Variants in ZNF644 observed in about 807,000 individuals in gnomAD.
The protein encoded by ZNF644 is zinc finger motif enhancer binding protein 2.
ZNF644 carries 20 observed loss-of-function variants against 108.0 expected under a neutral mutation model. That is an observed-to-expected ratio of 0.19 (90% CI 0.13 to 0.27). The LOEUF (loss-of-function observed/expected upper bound fraction) is 0.27, where lower values mean the gene tolerates loss of function less well. Ranked by LOEUF, ZNF644 falls within the 10% of genes least tolerant of loss-of-function variation. The pLI, the probability that ZNF644 is intolerant of heterozygous loss-of-function variation, is 1.00. For missense variants in ZNF644, 1,338 were observed against 1,548.9 expected, an observed-to-expected ratio of 0.86 and a Z score of 2.29; for synonymous variants, 542 against 539.1, an observed-to-expected ratio of 1.01 and a Z score of -0.08.
intron 2 of ZNF644, among the ~76,000 whole-genome samples, chr1:90,960,732 G>C (rs948358098): frequency 1.3e-5 from 2 of 152,044 alleles, no homozygotes; most frequent in African/African-American, 4.8e-5. Context: ...ACACCCTAAA[G>C]CTCCCTTTAG....
chr1:91,001,711 A>T (rs1218388206), intron 1 of ZNF644, among the ~76,000 whole-genome samples: 1 of 152,194 alleles, frequency 6.6e-6, no homozygotes, highest in Non-Finnish European at 1.5e-5. Context: ...GAAAGAAATA[A>T]GGGGTATTCA....
intron 1 of ZNF644, among the ~76,000 whole-genome samples, chr1:90,991,469 T>C (rs537411396): frequency 1.3e-5 from 2 of 152,266 alleles, no homozygotes; most frequent in African/African-American, 2.4e-5. Context: ...GTCCATACAA[T>C]GATGTATTAG....
intron 2 of ZNF644, among the ~76,000 whole-genome samples, chr1:90,952,107 T>C (rs887196688): frequency 1.3e-5 from 2 of 152,124 alleles, no homozygotes; most frequent in Admixed American, 6.5e-5. Flanking sequence ...AATTCAGAAA[T>C]GAAAAGGTCA....
intron 2 of ZNF644, among the ~76,000 whole-genome samples, chr1:90,955,127 T>C (rs1653622716): frequency 6.6e-6 from 1 of 152,188 alleles, no homozygotes; most frequent in Non-Finnish European, 1.5e-5. Context: ...TCAATGAGCA[T>C]ATTTCGAAAA....
intron 1 of ZNF644, among the ~76,000 whole-genome samples, chr1:90,995,016 CA>C (rs1658015821): frequency 6.6e-6 from 1 of 152,024 alleles, no homozygotes; most frequent in African/African-American, 2.4e-5. Flanking sequence ...TTCATTAAAA[CA>C]TACCATAATG....
In ZNF644 at chr1:90,946,721, G is replaced by T. The variant is rs149140727; in HGVS notation, c.45-5412C>A. 2.4e-3 allele frequency among the ~76,000 whole-genome samples: 360 copies of T among 151,970 alleles called. 2 individuals are homozygous for T. Among genetic ancestry groups the T allele is most frequent in the African/African-American group, 8.3e-3 (343 of 41,480 alleles). On this transcript the variant is annotated intron_variant, in intron 2 of 5. Coordinates refer to ENST00000337393, the MANE Select transcript of ZNF644 (RefSeq NM_201269.3). ...ATGAAAACTCAATGTTACAGCCAGA[G>T]ATTTTTTTTTCCTTGGCAATACCAA... is the stretch of plus-strand genomic sequence containing the variant.
chr1:90,939,502 C>A lies in ZNF644; in HGVS notation c.1852G>T (p.Gly618Cys). Residue 618 changes from glycine to cysteine, a missense_variant, in exon 3 of 6, where the codon GGT (glycine) becomes TGT (cysteine). Physicochemically the swap from Gly to Cys is radical, Grantham distance 159. This residue lies in a region of ZNF644 where 462 missense variants were observed against 472.6 expected (regional missense o/e 0.98). Transcript: ENST00000337393. ...LHSSSCVDSF[G>C]SPLGLDKRKN... is the part of the protein sequence containing the mutation. ...CTTTTATCAAGTCCAAGAGGACTAC[C>A]AAATGAATCAACACATGATGATGAA... 1 of 1,613,844 alleles carries A rather than the reference C, an allele frequency of 6.2e-7. No individual in the cohort carries two copies. The highest frequency in any genetic ancestry group is 8.5e-7 in the Non-Finnish European group (1 of 1,179,926).
intron 1 of ZNF644, among the ~76,000 whole-genome samples, chr1:90,990,867 G>C (rs1288052762): frequency 1.3e-5 from 2 of 152,092 alleles, no homozygotes; most frequent in Non-Finnish European, 1.5e-5. Context: ...AAGTAATCCT[G>C]AACTATATGC....
At chr1:91,003,926 A>C (rs1298921505) in intron 1 of ZNF644, among the ~76,000 whole-genome samples, 1 of 152,166 alleles carries the variant, frequency 6.6e-6, no homozygotes, top group East Asian at 1.9e-4. Flanking sequence ...AACAAATTGT[A>C]GAATTGAAAA....
intron 1 of ZNF644, among the ~76,000 whole-genome samples, chr1:91,018,842 T>C (rs1309800821): frequency 2.0e-5 from 3 of 152,198 alleles, no homozygotes; most frequent in African/African-American, 7.2e-5. Context: ...ATTAACAGTC[T>C]CAATTCAACC....
intron 1 of ZNF644, among the ~76,000 whole-genome samples, chr1:90,999,223 C>T (rs1658499094): frequency 6.6e-6 from 1 of 152,128 alleles, no homozygotes; most frequent in African/African-American, 2.4e-5. Flanking sequence ...AGAAGAGCAA[C>T]TCCAAGACAC....
At chr1:90,972,865 A>G (rs1450196129) in intron 2 of ZNF644, 1 of 152,268 alleles carries the variant, frequency 6.6e-6, no homozygotes, top group Non-Finnish European at 1.5e-5. Flanking sequence ...AGTCACAAAA[A>G]GACAAACACT....
At chr1:90,920,789 C>T (rs1159701766) in intron 4 of ZNF644, among the ~76,000 whole-genome samples, 1 of 151,912 alleles carries the variant, frequency 6.6e-6, no homozygotes, top group Non-Finnish European at 1.5e-5. Context: ...CACTGAGAAT[C>T]CCTAGAAACT....
intron 2 of ZNF644, among the ~76,000 whole-genome samples, chr1:90,944,503 T>C (rs1652325637): frequency 6.6e-6 from 1 of 152,184 alleles, no homozygotes; most frequent in African/African-American, 2.4e-5. Flanking sequence ...TATGGCTTAC[T>C]TACCCCTAAA....
chr1:90,916,814 G>A lies in ZNF644; in HGVS notation c.3968C>T (p.Ala1323Val). The change falls in exon 6 of 6, where the codon GCC becomes GTC. Residue 1323 changes from alanine (A) to valine (V), a missense_variant. Around this residue, in one of 6 missense-constraint regions of ZNF644, gnomAD observed 34 missense variants for 78.6 expected, o/e 0.43. Transcript: ENST00000337393. ...TTCCTGGTTCTATGAAGCTGCTTCG[G>A]CCATTAGTAGAGAAAATGAAGTTTC... ...ITETSFSLLM[A>V]EAAS 2 of 1,614,122 alleles carry A rather than the reference G, an allele frequency of 1.2e-6. No homozygotes were observed. The highest frequency in any genetic ancestry group is 1.1e-5 in the South Asian group (1 of 91,082).
intron 1 of ZNF644, among the ~76,000 whole-genome samples, chr1:90,985,718 T>C (rs1022197581): frequency 6.6e-6 from 1 of 152,216 alleles, no homozygotes; most frequent in Non-Finnish European, 1.5e-5. Context: ...GACACCTAGG[T>C]TGCTTCCCTA....
At chr1:90,960,792 T>C (rs1022509204) in intron 2 of ZNF644, among the ~76,000 whole-genome samples, 3 of 152,138 alleles carry the variant, frequency 2.0e-5, no homozygotes, top group African/African-American at 7.2e-5. Context: ...CAACTACAGG[T>C]GTTCTTGCTA....
intron 2 of ZNF644, among the ~76,000 whole-genome samples, chr1:90,966,742 A>C: frequency 1.9e-5 from 2 of 107,212 alleles, no homozygotes; most frequent in African/African-American, 7.1e-5. Context: ...AGTGAGACTC[A>C]GTCTCAAAAA....
rs965244224 is a variant in ZNF644 at position 90,915,418 on chromosome 1, T to C, written c.*1380A>G. ...TACTCTACCAAAATACTCCTTATTT[T>C]AACTGTTTTTAACTTTATTTACATA... On this transcript the variant is annotated 3_prime_UTR_variant, in exon 6 of 6. Coordinates refer to ENST00000337393, the MANE Select transcript of ZNF644 (RefSeq NM_201269.3). 1.3e-5 allele frequency: 2 copies of C among 152,606 alleles called. No individual in the cohort carries two copies. The highest frequency in any genetic ancestry group is 2.9e-5 in the Non-Finnish European group (2 of 67,990). 9.5% of individuals were successfully genotyped at this position (152,606 alleles called of 1,614,324 possible).
Sources: gnomAD v4.1 joint callset for allele counts (sites outside exome capture counted in the v4.1 genomes callset) on GRCh38, gnomAD v4.1.1 for gene constraint, gnomAD v4.1.1 regional missense constraint, MANE v1.5 for transcripts, NCBI Gene and HGNC (gene_info 2026-07-23, HGNC 2026-07-21) for gene names.